TSPAN9: variants seen among roughly 807,000 people sequenced by gnomAD.
The protein encoded by TSPAN9 is tetraspanin-9.
In TSPAN9, 16 loss-of-function variants were observed where a neutral mutation model predicts 31.0. The observed-to-expected ratio is 0.52, with a 90% CI of 0.35 to 0.78. TSPAN9 has a LOEUF of 0.78. TSPAN9 is among the 30% of genes least tolerant of loss of function. TSPAN9 has a pLI of 0.01. For synonymous variants in TSPAN9, 145 were observed against 121.6 expected (o/e 1.19, Z -1.27); for missense variants, 272 against 312.5 (o/e 0.87, Z 0.98).
At chr12:3,218,322 G>C (rs1591684231) in intron 3 of TSPAN9, among the ~76,000 whole-genome samples, 1 of 152,370 alleles carries the variant, frequency 6.6e-6, no homozygotes, top group Non-Finnish European at 1.5e-5. Context: ...AGGTCAGGGA[G>C]GAAAGAGGAG....
chr12:3,100,670 C>T lies in TSPAN9; in HGVS notation c.-18+16951C>T, dbSNP rs11062499. On this transcript the variant is annotated intron_variant, in intron 2 of 8. Coordinates refer to ENST00000011898, the MANE Select transcript of TSPAN9 (RefSeq NM_006675.5). Reference sequence around the variant, plus strand: ...GAGTCCTGCATTATTTGAAGACTCACCCCAGGCATCACCTCATTTCCTGGT... The same window carrying T: ...GAGTCCTGCATTATTTGAAGACTCATCCCAGGCATCACCTCATTTCCTGGT... 2.0e-5 allele frequency among the ~76,000 whole-genome samples: 3 copies of T among 152,120 alleles called. No homozygotes were observed. The South Asian group carries it at 6.2e-4, about 32-fold the overall frequency.
At chr12:3,154,881 G>C (rs1248839099) in intron 2 of TSPAN9, among the ~76,000 whole-genome samples, 1 of 152,200 alleles carries the variant, frequency 6.6e-6, no homozygotes, top group Non-Finnish European at 1.5e-5. Context: ...GCCAGTGGTT[G>C]AACGTGATCA....
chr12:3,281,405 G>T (rs1367994018), intron 7 of TSPAN9, 76 bp downstream of exon 7: 15 of 1,473,056 alleles, frequency 1.0e-5, no homozygotes, highest in Non-Finnish European at 1.3e-5. Flanking sequence ...CTATAGGGGA[G>T]GCTGGGCCCG....
intron 2 of TSPAN9, among the ~76,000 whole-genome samples, chr12:3,102,390 G>A (rs1410611531): frequency 6.6e-6 from 1 of 151,672 alleles, no homozygotes; most frequent in Non-Finnish European, 1.5e-5. Context: ...GGCTCCCAAA[G>A]TGCTGGGGTT....
intron 3 of TSPAN9, among the ~76,000 whole-genome samples, chr12:3,235,281 T>G (rs1453381772): frequency 5.1e-5 from 5 of 97,602 alleles, no homozygotes; most frequent in Admixed American, 1.4e-4. Context: ...TGTAAGTGAA[T>G]GAAGGAATGA....
At chr12:3,273,428 G>A (rs1862722375) in intron 3 of TSPAN9, among the ~76,000 whole-genome samples, 1 of 152,182 alleles carries the variant, frequency 6.6e-6, no homozygotes, top group Non-Finnish European at 1.5e-5. Context: ...ACCAGGAGTG[G>A]CTGGTGACCT....
In TSPAN9 at chr12:3,285,036, C is replaced by T. The variant is rs1226334965; in HGVS notation, c.*1920C>T. 6.6e-6 allele frequency: 1 copy of T among 152,238 alleles called. No individual in the cohort carries two copies. Among genetic ancestry groups the T allele is most frequent in the Non-Finnish European group, 1.5e-5 (1 of 68,062 alleles). The allele number at this position is 152,238 out of a possible 1,614,324, so 9.4% of individuals were successfully genotyped here. A position where few individuals can be genotyped will look rare whatever the true frequency, so the allele number is the denominator to read the frequency against. Reference sequence around the variant, plus strand: ...TGTGAGTTGTGCAGGGTGAAGACCGCTTCCCTGAGACAGGGGCAGTGGTGC... The same window carrying T: ...TGTGAGTTGTGCAGGGTGAAGACCGTTTCCCTGAGACAGGGGCAGTGGTGC... On this transcript the variant is annotated 3_prime_UTR_variant, in exon 9 of 9. Coordinates refer to ENST00000011898, the MANE Select transcript of TSPAN9 (RefSeq NM_006675.5).
rs147931333 is a variant in TSPAN9 at position 3,232,861 on chromosome 12, A to C, written c.63+31605A>C. ...AGAGGCTGCTCACTCCATTTGGGGA[A>C]GTTTTAGCCATAGGAAGTTTTCTTG... On this transcript the variant is annotated intron_variant, in intron 3 of 8. Transcript: ENST00000011898. Among the ~76,000 whole-genome samples, 942 of 152,304 alleles carry C rather than the reference A, an allele frequency of 6.2e-3. 6 individuals carry two copies. Among genetic ancestry groups the C allele is most frequent in the Middle Eastern group, 0.044 (13 of 294 alleles).
At chr12:3,174,733 C>T (rs1196949685) in intron 2 of TSPAN9, among the ~76,000 whole-genome samples, 1 of 142,380 alleles carries the variant, frequency 7.0e-6, no homozygotes, top group Non-Finnish European at 1.6e-5. Flanking sequence ...CAGGCGCCCA[C>T]CACCGCGCCC....
At chr12:3,255,570 C>T (rs76805954) in intron 3 of TSPAN9, among the ~76,000 whole-genome samples, 4,573 of 152,294 alleles carry the variant, frequency 0.03, 224 homozygotes, top group African/African-American at 0.1. Flanking sequence ...GTGGGGAGGA[C>T]GGCACGGGGG....
At chr12:3,128,911 T>C (rs1270044224) in intron 2 of TSPAN9, among the ~76,000 whole-genome samples, 6 of 152,230 alleles carry the variant, frequency 3.9e-5, no homozygotes, top group African/African-American at 1.4e-4. Context: ...ACCCATTAGA[T>C]GATAACTTCC....
chr12:3,095,745 G>C (rs572694309), intron 2 of TSPAN9, among the ~76,000 whole-genome samples: 1 of 149,280 alleles, frequency 6.7e-6, no homozygotes, highest in Non-Finnish European at 1.5e-5. Flanking sequence ...ATGGGCGGCC[G>C]GGCAGAGACG....
intron 3 of TSPAN9, 54 bp from the exon 4 acceptor site, chr12:3,278,367 C>T: frequency 6.3e-7 from 1 of 1,598,636 alleles, no homozygotes; most frequent in Non-Finnish European, 8.5e-7. Flanking sequence ...GTTCCCAGGT[C>T]CATGGACGAA....
intron 2 of TSPAN9, among the ~76,000 whole-genome samples, chr12:3,188,397 C>T (rs947969694): frequency 4.6e-5 from 7 of 152,136 alleles, no homozygotes; most frequent in Admixed American, 1.3e-4. Context: ...GCAGACAGAG[C>T]GGCAGGGGGA....
rs183402757 is a variant in TSPAN9 at position 3,089,502 on chromosome 12, G to A, written c.-18+5783G>A. On this transcript the variant is annotated intron_variant, in intron 2 of 8. Transcript: ENST00000011898. ...AGTAGAGACGGGGTTTTACCGTGTT[G>A]GCCAGGGTGGTCTCGATCTCCTGAC... is the stretch of plus-strand genomic sequence containing the variant. Among the ~76,000 whole-genome samples the A allele has an allele frequency of 2.4e-3, 370 of 151,690 alleles. 4 individuals carry two copies. The highest frequency in any genetic ancestry group is 0.011 in the East Asian group (55 of 5,012).
intron 2 of TSPAN9, among the ~76,000 whole-genome samples, chr12:3,186,474 TAA>T (rs1318956365): frequency 6.6e-6 from 1 of 152,092 alleles, no homozygotes; most frequent in Non-Finnish European, 1.5e-5. Flanking sequence ...ACAGCCAATG[TAA>T]AGTCTCCAAT....
In TSPAN9 at chr12:3,264,035, T is replaced by C. The variant is rs188067250; in HGVS notation, c.64-14386T>C. 1.7e-3 allele frequency among the ~76,000 whole-genome samples: 264 copies of C among 152,294 alleles called. 1 individual carries two copies. The highest frequency in any genetic ancestry group is 3.4e-3 in the Middle Eastern group (1 of 294). On this transcript the variant is annotated intron_variant, in intron 3 of 8. Coordinates refer to ENST00000011898, the MANE Select transcript of TSPAN9 (RefSeq NM_006675.5). The stretch of plus-strand genomic sequence containing the variant: ...TATTTGCAGAGTTTTTATCAGGTAG[T>C]GATTGGGCAGGCAAGTGTCTCAGTG...
intron 3 of TSPAN9, among the ~76,000 whole-genome samples, chr12:3,211,248 T>C (rs2098378526): frequency 6.6e-6 from 1 of 152,230 alleles, no homozygotes; most frequent in African/African-American, 2.4e-5. Context: ...CATAGCTCCA[T>C]TGATTAACTA....
chr12:3,243,096 C>T (rs2098397454), intron 3 of TSPAN9, among the ~76,000 whole-genome samples: 1 of 152,170 alleles, frequency 6.6e-6, no homozygotes, highest in South Asian at 2.1e-4. Flanking sequence ...ATCAATGGAC[C>T]TTAAAATCCA....
Sources: gnomAD v4.1 joint callset for allele counts (sites outside exome capture counted in the v4.1 genomes callset) on GRCh38, gnomAD v4.1.1 for gene constraint, MANE v1.5 for transcripts, NCBI Gene and HGNC (gene_info 2026-07-23, HGNC 2026-07-21) for gene names.